MAST4: variants seen among roughly 807,000 people sequenced by gnomAD.
MAST4 encodes the protein microtubule-associated serine/threonine-protein kinase 4.
A neutral mutation model predicts 162.7 loss-of-function variants in MAST4; 89 were observed. That is an observed-to-expected ratio of 0.55 (90% confidence interval 0.46 to 0.65). The LOEUF is 0.65. Among genes scored for constraint, MAST4 ranks in the 30% least tolerant of loss-of-function variants. MAST4 has a pLI of 0.00. For synonymous variants in MAST4, 1,479 were observed against 1,361.1 expected, an observed-to-expected ratio of 1.09 and a Z score of -1.91; for missense variants, 3,153 against 3,374.0, an observed-to-expected ratio of 0.93 and a Z score of 1.62.
chr5:66,996,886 C>T (rs1750707525), intron 4 of MAST4, among the ~76,000 whole-genome samples: 1 of 152,192 alleles, frequency 6.6e-6, no homozygotes, highest in Admixed American at 6.5e-5. Context: ...AACATATTCA[C>T]AGGTTCCAGA....
chr5:66,629,008 A>G (rs1362873090), intron 1 of MAST4, among the ~76,000 whole-genome samples: 3 of 152,182 alleles, frequency 2.0e-5, no homozygotes, highest in African/African-American at 4.8e-5. Flanking sequence ...GACCCAAACA[A>G]TGTTATCATT....
chr5:66,944,162 T>G (rs1743696868), intron 4 of MAST4, among the ~76,000 whole-genome samples: 1 of 152,202 alleles, frequency 6.6e-6, no homozygotes, highest in Non-Finnish European at 1.5e-5. Flanking sequence ...CTATTTGCTT[T>G]CTGCATGGCC....
At chr5:67,157,028 T>C (rs1314908488) in intron 26 of MAST4, among the ~76,000 whole-genome samples, 1 of 152,254 alleles carries the variant, frequency 6.6e-6, no homozygotes, top group Non-Finnish European at 1.5e-5. Context: ...GCATTTTTGT[T>C]ATTTTTTTAA....
intron 4 of MAST4, among the ~76,000 whole-genome samples, chr5:66,949,894 T>C (rs983752016): frequency 6.6e-6 from 1 of 152,172 alleles, no homozygotes; most frequent in African/African-American, 2.4e-5. Context: ...TAAATAACTT[T>C]TTAAAAGAGG....
chr5:66,616,522 C>T (rs898495959), intron 1 of MAST4, among the ~76,000 whole-genome samples: 1 of 152,154 alleles, frequency 6.6e-6, no homozygotes, highest in Non-Finnish European at 1.5e-5. Context: ...GGTTCTCTTC[C>T]CAAGGGCCTT....
At position 67,125,438 on chromosome 5, in the gene MAST4, T is replaced by A. The variant is rs1233979679; in HGVS notation, c.1745+4336T>A. ...CCCCGACAGGCCCCAGTGTGTGATGTTCCCCTCCCTGTGTCCATGTGTTCT... is the reference window on the plus strand; with the variant it reads ...CCCCGACAGGCCCCAGTGTGTGATGATCCCCTCCCTGTGTCCATGTGTTCT... On this transcript the variant is annotated intron_variant, in intron 14 of 28. Coordinates refer to ENST00000403625, the MANE Select transcript of MAST4 (RefSeq NM_001164664.2). Among the ~76,000 whole-genome samples the A allele has an allele frequency of 2.0e-5, 3 of 152,164 alleles. No homozygotes were observed. In the East Asian group the frequency reaches 5.8e-4, roughly 29 times the overall value.
At chr5:66,804,953 T>C (rs986870981) in intron 3 of MAST4, among the ~76,000 whole-genome samples, 7 of 152,222 alleles carry the variant, frequency 4.6e-5, no homozygotes, top group African/African-American at 1.7e-4. Flanking sequence ...TTCTTAATAT[T>C]GTTTAGTTTT....
At chr5:67,133,396 A>T (rs1769235150) in intron 16 of MAST4, 118 bp from the exon 17 acceptor site, 1 of 1,133,774 alleles carries the variant, frequency 8.8e-7, no homozygotes. Flanking sequence ...GGGTTTTGTA[A>T]TAAGCTTGAT....
rs552290014 is a variant in MAST4, at chr5:66,781,254, G to T, written c.518-7416G>T. ...GGAGATTTTACTAGACACAGGGAAG[G>T]TAAAATGGTGAGAATGTCCCTGCTC... On this transcript the variant is annotated intron_variant, in intron 2 of 28. Coordinates refer to ENST00000403625, the MANE Select transcript of MAST4 (RefSeq NM_001164664.2). Among the ~76,000 whole-genome samples the T allele has an allele frequency of 9.2e-5, 14 of 152,332 alleles. No individual in the cohort carries two copies. In the South Asian group the frequency reaches 1.5e-3, roughly 16 times the overall value.
intron 4 of MAST4, among the ~76,000 whole-genome samples, chr5:67,030,799 AGC>A (rs1271831226): frequency 6.6e-6 from 1 of 152,122 alleles, no homozygotes; most frequent in Non-Finnish European, 1.5e-5. Flanking sequence ...ACTTTTATAA[AGC>A]CTTGGGTATC....
At chr5:66,824,698 A>G (rs1012522427) in intron 3 of MAST4, among the ~76,000 whole-genome samples, 3 of 152,240 alleles carry the variant, frequency 2.0e-5, no homozygotes, top group Non-Finnish European at 4.4e-5. Flanking sequence ...AGGTGATTTC[A>G]TTGTTGTGTG....
chr5:66,835,864 A>C (rs1346877539), intron 3 of MAST4, among the ~76,000 whole-genome samples: 1 of 152,194 alleles, frequency 6.6e-6, no homozygotes, highest in African/African-American at 2.4e-5. Context: ...AATTGCCTTC[A>C]TTGCCATTAA....
chr5:66,986,477 C>A, intron 4 of MAST4: 1 of 1,571,588 alleles, frequency 6.4e-7, no homozygotes, highest in Non-Finnish European at 8.6e-7. Flanking sequence ...GAACATCACC[C>A]CTTGGATGAA....
At chr5:66,793,321 G>C (rs1755506574) in intron 3 of MAST4, among the ~76,000 whole-genome samples, 1 of 152,158 alleles carries the variant, frequency 6.6e-6, no homozygotes, top group South Asian at 2.1e-4. Context: ...ACACCAGCCG[G>C]GAGTGCTGAT....
chr5:66,833,183 T>C (rs931079637), intron 3 of MAST4, among the ~76,000 whole-genome samples: 1 of 152,184 alleles, frequency 6.6e-6, no homozygotes, highest in Non-Finnish European at 1.5e-5. Flanking sequence ...TCTGGTGTAA[T>C]TGTTAATAAA....
chr5:66,955,243 G>A (rs1274248202), intron 4 of MAST4, among the ~76,000 whole-genome samples: 1 of 151,652 alleles, frequency 6.6e-6, no homozygotes, highest in Admixed American at 6.6e-5. Context: ...CACTAGATGA[G>A]GGAGCCTTGT....
At chr5:67,086,049 A>G (rs561380521) in intron 5 of MAST4, among the ~76,000 whole-genome samples, 2 of 152,222 alleles carry the variant, frequency 1.3e-5, no homozygotes, top group Non-Finnish European at 2.9e-5. Context: ...TCTCCAACAA[A>G]GCAGTAAGAA....
At chr5:66,921,425 T>C (rs1333329953) in intron 4 of MAST4, among the ~76,000 whole-genome samples, 2 of 152,120 alleles carry the variant, frequency 1.3e-5, no homozygotes, top group African/African-American at 4.8e-5. Flanking sequence ...AAAACCCTTA[T>C]GTGACATTGT....
chr5:66,931,549 A>T (rs1742191432), intron 4 of MAST4, among the ~76,000 whole-genome samples: 1 of 152,176 alleles, frequency 6.6e-6, no homozygotes, highest in Non-Finnish European at 1.5e-5. Flanking sequence ...ATTTCTAATG[A>T]AGTTATTATA....
Sources: gnomAD v4.1 joint callset for allele counts (sites outside exome capture counted in the v4.1 genomes callset) on GRCh38, gnomAD v4.1.1 for gene constraint, MANE v1.5 for transcripts, NCBI Gene and HGNC (gene_info 2026-07-23, HGNC 2026-07-21) for gene names.